PTPRD: variants seen among roughly 807,000 people sequenced by gnomAD.
The protein encoded by PTPRD is protein tyrosine phosphatase receptor type D.
A neutral mutation model predicts 214.5 loss-of-function variants in PTPRD; 34 were observed. The ratio of observed to expected loss-of-function variants is 0.16; its 90% CI spans 0.12 to 0.21. The LOEUF (loss-of-function observed/expected upper bound fraction) is 0.21, where lower values mean the gene tolerates loss of function less well. Ranked by LOEUF, PTPRD falls within the 10% of genes least tolerant of loss-of-function variation. PTPRD has a pLI of 1.00. For synonymous variants in PTPRD, 1,128 were observed against 845.7 expected, an observed-to-expected ratio of 1.33 and a Z score of -5.79; for missense variants, 2,545 against 2,398.7, an observed-to-expected ratio of 1.06 and a Z score of -1.27.
chr9:8,523,623 T>C, intron 18 of PTPRD, 99 bp from the exon 19 acceptor site: 1 of 1,284,344 alleles, frequency 7.8e-7, no homozygotes, highest in Non-Finnish European at 1.1e-6. Context: ...ATCAAGGCTT[T>C]CAACTGCTAC....
intron 8 of PTPRD, among the ~76,000 whole-genome samples, chr9:9,503,634 G>A (rs780885460): frequency 2.6e-5 from 4 of 151,690 alleles, no homozygotes; most frequent in Non-Finnish European, 4.4e-5. Context: ...TCAAACCTCC[G>A]AATCTTGTAG....
chr9:10,491,852 C>A (rs1255920720), intron 2 of PTPRD, among the ~76,000 whole-genome samples: 20 of 152,008 alleles, frequency 1.3e-4, no homozygotes, highest in Admixed American at 1.3e-3. Context: ...TTCTAATGCT[C>A]TCCCTCTCCT....
chr9:9,836,666 C>CA (rs2056852672), intron 5 of PTPRD, among the ~76,000 whole-genome samples: 1 of 152,136 alleles, frequency 6.6e-6, no homozygotes, highest in African/African-American at 2.4e-5. Context: ...AGCATTCTTT[C>CA]ACACAGCATA....
At chr9:9,575,584 G>C (rs983619887) in intron 7 of PTPRD, among the ~76,000 whole-genome samples, 16 of 151,530 alleles carry the variant, frequency 1.1e-4, no homozygotes, top group African/African-American at 3.9e-4. Flanking sequence ...GCCACCTGTG[G>C]TGGTGCATGC....
chr9:9,664,537 A>G (rs907206772), intron 7 of PTPRD, among the ~76,000 whole-genome samples: 5 of 151,656 alleles, frequency 3.3e-5, no homozygotes, highest in African/African-American at 1.2e-4. Context: ...TTAAGCATTC[A>G]AACTAAATGG....
intron 2 of PTPRD, among the ~76,000 whole-genome samples, chr9:10,455,378 C>A (rs1219093686): frequency 6.6e-6 from 1 of 151,726 alleles, no homozygotes; most frequent in African/African-American, 2.4e-5. Flanking sequence ...ACTTTACTGT[C>A]CTCTACTTGG....
At chr9:9,555,869 T>C (rs1466696427) in intron 8 of PTPRD, among the ~76,000 whole-genome samples, 1 of 152,172 alleles carries the variant, frequency 6.6e-6, no homozygotes, top group African/African-American at 2.4e-5. Flanking sequence ...CGAATACACC[T>C]GAAAGTTCAA....
chr9:9,520,289 ATATATATATATTAAGT>A (rs1391000639), intron 8 of PTPRD, among the ~76,000 whole-genome samples: 5 of 147,482 alleles, frequency 3.4e-5, no homozygotes, highest in South Asian at 4.2e-4. Context: ...ATATTAAGTT[ATATATATATATTAAGT>A]TATATATATA....
At chr9:10,454,076 G>T (rs73644459) in intron 2 of PTPRD, among the ~76,000 whole-genome samples, 1 of 151,160 alleles carries the variant, frequency 6.6e-6, no homozygotes, top group African/African-American at 2.4e-5. Context: ...CTATAATAAC[G>T]AAAGCCATCT....
intron 11 of PTPRD, among the ~76,000 whole-genome samples, chr9:8,744,018 C>A (rs776289539): frequency 2.4e-4 from 36 of 151,702 alleles, no homozygotes; most frequent in African/African-American, 3.9e-4. Flanking sequence ...AAATGGCCAA[C>A]AAGCATATGG....
intron 8 of PTPRD, among the ~76,000 whole-genome samples, chr9:9,410,160 C>A (rs187385284): frequency 1.2e-4 from 19 of 152,202 alleles, no homozygotes; most frequent in African/African-American, 4.3e-4. Flanking sequence ...AGTGAAGTAG[C>A]CTTCCTGACC....
rs997357034 is a variant in PTPRD at position 10,408,281 on chromosome 9, C to A, written c.-599-67264G>T. Among the ~76,000 whole-genome samples the A allele has an allele frequency of 2.6e-5, 4 of 151,510 alleles. No homozygotes were observed. In the South Asian group the frequency reaches 8.3e-4, roughly 31 times the overall value. On this transcript the variant is annotated intron_variant, in intron 2 of 45. Coordinates refer to ENST00000381196, the MANE Select transcript of PTPRD (RefSeq NM_002839.4). ...CTAGAATGTGGTTATGGGCTAAATT[C>A]TGCTTGTCTAGGTCTCTATTATTTC...
At chr9:8,537,611 C>T (rs984206234) in intron 14 of PTPRD, among the ~76,000 whole-genome samples, 2 of 151,890 alleles carry the variant, frequency 1.3e-5, no homozygotes, top group African/African-American at 4.8e-5. Context: ...TTATGCCATG[C>T]AGGAATAGAA....
At chr9:9,432,839 A>C (rs2083734922) in intron 8 of PTPRD, among the ~76,000 whole-genome samples, 1 of 152,200 alleles carries the variant, frequency 6.6e-6, no homozygotes, top group African/African-American at 2.4e-5. Flanking sequence ...ATAACAAAGA[A>C]AGGATTACAG....
intron 8 of PTPRD, among the ~76,000 whole-genome samples, chr9:9,513,054 G>A (rs779775253): frequency 6.6e-6 from 1 of 151,808 alleles, no homozygotes; most frequent in Non-Finnish European, 1.5e-5. Flanking sequence ...CTACTGGCCT[G>A]TAATTAGTGA....
At chr9:9,297,931 C>T (rs1953725495) in intron 9 of PTPRD, among the ~76,000 whole-genome samples, 1 of 151,598 alleles carries the variant, frequency 6.6e-6, no homozygotes, top group African/African-American at 2.4e-5. Context: ...GATAAGTATT[C>T]TTCCGTTTTA....
intron 5 of PTPRD, among the ~76,000 whole-genome samples, chr9:9,909,196 C>A (rs949094821): frequency 6.6e-6 from 1 of 151,802 alleles, no homozygotes; most frequent in Non-Finnish European, 1.5e-5. Context: ...CACATTTCTA[C>A]CTGAAATGGC....
chr9:9,379,523 A>C (rs553996430), intron 9 of PTPRD, among the ~76,000 whole-genome samples: 2 of 151,880 alleles, frequency 1.3e-5, no homozygotes, highest in Admixed American at 6.6e-5. Context: ...CATTCTGGAT[A>C]TTATTTCTCT....
At chr9:9,024,665 G>A (rs1039627072) in intron 10 of PTPRD, among the ~76,000 whole-genome samples, 1 of 151,188 alleles carries the variant, frequency 6.6e-6, no homozygotes, top group Non-Finnish European at 1.5e-5. Flanking sequence ...TGTTTCTTTG[G>A]TTACCAGTTC....
Sources: gnomAD v4.1 joint callset for allele counts (sites outside exome capture counted in the v4.1 genomes callset) on GRCh38, gnomAD v4.1.1 for gene constraint, MANE v1.5 for transcripts, NCBI Gene and HGNC (gene_info 2026-07-23, HGNC 2026-07-21) for gene names.